Variants in RORA observed in about 807,000 individuals in gnomAD.
RORA encodes the protein RAR related orphan receptor A, also known as nuclear receptor ROR-alpha.
In RORA, 7 loss-of-function variants were observed where a neutral mutation model predicts 69.5. The observed-to-expected ratio is 0.10, with a 90% CI of 0.06 to 0.19. The LOEUF (loss-of-function observed/expected upper bound fraction) is 0.19, where lower values mean the gene tolerates loss of function less well. Among genes scored for constraint, RORA ranks in the 10% least tolerant of loss-of-function variants. The pLI is 1.00. For synonymous variants in RORA, 261 were observed against 240.8 expected (o/e 1.08, Z -0.78); for missense variants, 457 against 663.0 (o/e 0.69, Z 3.41).
intron 1 of RORA, among the ~76,000 whole-genome samples, chr15:61,089,089 T>G (rs2078667205): frequency 6.6e-6 from 1 of 152,186 alleles, no homozygotes; most frequent in South Asian, 2.1e-4. Flanking sequence ...CAAAACCCAC[T>G]TCTGACATAC....
At chr15:60,941,185 T>A (rs1892685458) in intron 1 of RORA, among the ~76,000 whole-genome samples, 2 of 152,256 alleles carry the variant, frequency 1.3e-5, no homozygotes, top group South Asian at 2.1e-4. Flanking sequence ...AACCCTGGGA[T>A]GGAAAAGCCT....
At chr15:60,549,264 A>ACAT (rs1273424223) in intron 2 of RORA, among the ~76,000 whole-genome samples, 1 of 152,216 alleles carries the variant, frequency 6.6e-6, no homozygotes. Flanking sequence ...GCTGGGCATG[A>ACAT]GAGAAGAAAA....
intron 1 of RORA, among the ~76,000 whole-genome samples, chr15:60,772,810 C>A (rs2072098006): frequency 6.6e-6 from 1 of 152,214 alleles, no homozygotes; most frequent in African/African-American, 2.4e-5. Context: ...CACTGCGATT[C>A]CTCCTCCTCA....
At chr15:60,695,669 T>A (rs2070892603) in intron 1 of RORA, among the ~76,000 whole-genome samples, 1 of 152,086 alleles carries the variant, frequency 6.6e-6, no homozygotes, top group Admixed American at 6.5e-5. Flanking sequence ...AGCTTTGATC[T>A]CAGACACCAG....
chr15:61,079,801 T>C (rs576634314), intron 1 of RORA, among the ~76,000 whole-genome samples: 1 of 152,336 alleles, frequency 6.6e-6, no homozygotes, highest in African/African-American at 2.4e-5. Flanking sequence ...TTTGCTCGCC[T>C]GGGCACTCTT....
Position 61,218,402 on chromosome 15 carries a change from T to C in RORA, c.166+10651A>G, listed in dbSNP as rs182455194. ...TTGGCCCGGTAAACTTGACCCATCC[T>C]GAAACACTGAGATGTTCTGTGTAAC... is the stretch of plus-strand genomic sequence containing the variant. On this transcript the variant is annotated intron_variant, in intron 1 of 10. Coordinates refer to ENST00000335670, the MANE Select transcript of RORA (RefSeq NM_134261.3). 4.6e-5 allele frequency among the ~76,000 whole-genome samples: 7 copies of C among 152,294 alleles called. No individual in the cohort carries two copies. In the East Asian group the frequency reaches 1.4e-3, roughly 29 times the overall value.
At chr15:61,145,033 G>A (rs1435107598) in intron 1 of RORA, among the ~76,000 whole-genome samples, 9 of 152,072 alleles carry the variant, frequency 5.9e-5, no homozygotes, top group Admixed American at 2.6e-4. Context: ...GATGGTATAC[G>A]CCTCTATCTA....
chr15:60,829,396 T>C lies in RORA; in HGVS notation c.167-150710A>G, dbSNP rs1020068004. On this transcript the variant is annotated intron_variant, in intron 1 of 10. Coordinates refer to ENST00000335670, the MANE Select transcript of RORA (RefSeq NM_134261.3). ...GTGACAGAGGGCCTTTTCAGGACCT[T>C]TGAGGTCACGTCTTAGAGGTTTTAA... Among the ~76,000 whole-genome samples the C allele has an allele frequency of 3.0e-4, 45 of 152,154 alleles. 1 individual carries two copies. Among genetic ancestry groups the C allele is most frequent in the Non-Finnish European group, 5.7e-4 (39 of 68,020 alleles).
chr15:60,558,464 C>CT, intron 2 of RORA: 1 of 540,402 alleles, frequency 1.9e-6, no homozygotes, highest in Non-Finnish European at 3.3e-6. Context: ...TCATTAATGT[C>CT]TGACTGAATA....
intron 2 of RORA, among the ~76,000 whole-genome samples, chr15:60,564,252 T>C (rs1470282838): frequency 1.3e-5 from 2 of 152,246 alleles, no homozygotes; most frequent in East Asian, 1.9e-4. Flanking sequence ...ATCCCCATTA[T>C]GGGTTATCCC....
intron 1 of RORA, among the ~76,000 whole-genome samples, chr15:60,933,975 C>T (rs1045952892): frequency 6.6e-6 from 1 of 152,218 alleles, no homozygotes; most frequent in African/African-American, 2.4e-5. Flanking sequence ...ATGAGAAGCG[C>T]ATTGGAGTCT....
In RORA at chr15:60,709,232, C is replaced by T. The variant is rs141284032; in HGVS notation, c.167-30546G>A. 1.1e-3 allele frequency among the ~76,000 whole-genome samples: 161 copies of T among 152,324 alleles called. 1 individual carries two copies. Among genetic ancestry groups the T allele is most frequent in the African/African-American group, 3.7e-3 (154 of 41,570 alleles). ...TAAGTTTTTCAGCAGCAGTAATTAA[C>T]AGCTACTACCATTCACTGAGTTTCT... is the stretch of plus-strand genomic sequence containing the variant. On this transcript the variant is annotated intron_variant, in intron 1 of 10. Transcript: ENST00000335670.
intron 1 of RORA, among the ~76,000 whole-genome samples, chr15:60,923,882 CTGGAG>C (rs766876621): frequency 1.9e-4 from 29 of 152,322 alleles, no homozygotes; most frequent in Middle Eastern, 3.4e-3. Context: ...GTGCTGGAAG[CTGGAG>C]TGGGCAAGGG....
intron 1 of RORA, among the ~76,000 whole-genome samples, chr15:61,148,548 A>G (rs1026383493): frequency 9.2e-5 from 14 of 152,198 alleles, no homozygotes; most frequent in African/African-American, 3.4e-4. Flanking sequence ...CCTATCAAGT[A>G]GCAATAAAAT....
chr15:60,650,362 T>C (rs1213071493), intron 2 of RORA, among the ~76,000 whole-genome samples: 1 of 152,178 alleles, frequency 6.6e-6, no homozygotes, highest in African/African-American at 2.4e-5. Context: ...CTGCTGGCTT[T>C]TATGCCTCGA....
At chr15:60,683,258 T>C (rs1226784146) in intron 1 of RORA, among the ~76,000 whole-genome samples, 1 of 152,186 alleles carries the variant, frequency 6.6e-6, no homozygotes, top group African/African-American at 2.4e-5. Flanking sequence ...GCAATCCTCC[T>C]GCATCAGCCT....
At chr15:60,965,658 C>T (rs1893535334) in intron 1 of RORA, among the ~76,000 whole-genome samples, 1 of 152,318 alleles carries the variant, frequency 6.6e-6, no homozygotes, top group Admixed American at 6.5e-5. Context: ...GCAGAAGCCT[C>T]TTTCACATTG....
chr15:60,985,582 CTTT>C (rs11451387), intron 1 of RORA, among the ~76,000 whole-genome samples: 1 of 100,864 alleles, frequency 9.9e-6, no homozygotes, highest in African/African-American at 4.1e-5. Context: ...AACTCATCCT[CTTT>C]TTTTTTTTTT....
Position 60,492,318 on chromosome 15 carries a change from AC to A in RORA, c.*5136del, listed in dbSNP as rs2065055954. ...AACAAAACGGTATTTCAAAAATATA[AC>A]ATGTAACACTAAATGTTGGCTCGAG... is the stretch of plus-strand genomic sequence containing the variant. On this transcript the variant is annotated 3_prime_UTR_variant, in exon 11 of 11. Coordinates refer to ENST00000335670, the MANE Select transcript of RORA (RefSeq NM_134261.3). 1 of 152,216 alleles carries A rather than the reference AC, an allele frequency of 6.6e-6. No individual in the cohort carries two copies. Among genetic ancestry groups the A allele is most frequent in the Non-Finnish European group, 1.5e-5 (1 of 68,026 alleles). The allele number at this position is 152,216 out of a possible 1,614,324, so 9.4% of individuals were successfully genotyped here. A position where few individuals can be genotyped will look rare whatever the true frequency, so the allele number is the denominator to read the frequency against.
Sources: allele counts gnomAD v4.1 joint callset (sites outside exome capture counted in the v4.1 genomes callset), GRCh38; gene constraint gnomAD v4.1.1; transcripts MANE v1.5; gene names NCBI Gene and HGNC (gene_info 2026-07-23, HGNC 2026-07-21).